TAS2R1: variants seen among roughly 807,000 people sequenced by gnomAD.
TAS2R1 encodes the protein taste receptor type 2 member 1.
For missense variants in TAS2R1, 370 were observed against 353.4 expected (o/e 1.05, Z -0.38); for synonymous variants, 141 against 134.2 (o/e 1.05, Z -0.35).
intron 1 of TAS2R1, among the ~76,000 whole-genome samples, chr5:9,684,553 C>T (rs150830128): frequency 6.6e-6 from 1 of 152,270 alleles, no homozygotes; most frequent in African/African-American, 2.4e-5. Flanking sequence ...TACTCTGTTG[C>T]TAAGGCCGAA....
chr5:9,859,750 A>G, the TAS2R1 span, among the ~76,000 whole-genome samples: 1 of 152,218 alleles, frequency 6.6e-6, no homozygotes, highest in Non-Finnish European at 1.5e-5. Context: ...GTCAACAAAC[A>G]TGCTTCAACA....
chr5:9,859,177 G>A, the TAS2R1 span, among the ~76,000 whole-genome samples: 2 of 152,062 alleles, frequency 1.3e-5, no homozygotes, highest in Non-Finnish European at 2.9e-5. Flanking sequence ...TCCATCTTAC[G>A]TCAACCACTC....
Position 9,629,029 on chromosome 5 carries a change from T to G in TAS2R1, c.*104A>C. 8.4e-7 allele frequency: 1 copy of G among 1,197,600 alleles called. No homozygotes were observed. The highest frequency in any genetic ancestry group is 1.1e-6 in the Non-Finnish European group (1 of 873,134). The allele number at this position is 1,197,600 out of a possible 1,614,324, so 74.2% of individuals were successfully genotyped here. A position where few individuals can be genotyped will look rare whatever the true frequency, so the allele number is the denominator to read the frequency against. ...TGGATAAACAGGCCTGAAGGGGACA[T>G]GTTGTATATTTATGAACAGGCTGCT... On this transcript the variant is annotated 3_prime_UTR_variant, in exon 1 of 1. Coordinates refer to ENST00000382492, the MANE Select transcript of TAS2R1 (RefSeq NM_019599.3).
the TAS2R1 span, among the ~76,000 whole-genome samples, chr5:9,786,350 AC>A: frequency 6.6e-6 from 1 of 152,184 alleles, no homozygotes; most frequent in Non-Finnish European, 1.5e-5. Flanking sequence ...AGCATATTTT[AC>A]CTCTAACTGT....
At chr5:9,745,127 G>A in the TAS2R1 span, among the ~76,000 whole-genome samples, 1 of 152,144 alleles carries the variant, frequency 6.6e-6, no homozygotes. Context: ...ATTAACCCCA[G>A]CAAGGGATGC....
rs1739803928 is a variant in TAS2R1 at position 9,628,706 on chromosome 5, T to C, written c.*427A>G. Among the ~76,000 whole-genome samples the C allele has an allele frequency of 6.6e-6, 1 of 152,214 alleles. No homozygotes were observed. The highest frequency in any genetic ancestry group is 2.4e-5 in the African/African-American group (1 of 41,456). ...ACCATCAAAGACAAGGCGTCAGATA[T>C]TCATGGACCATACAGCATTCATGTG... On this transcript the variant is annotated 3_prime_UTR_variant, in exon 1 of 1. Coordinates refer to ENST00000382492, the MANE Select transcript of TAS2R1 (RefSeq NM_019599.3).
At chr5:9,727,141 T>C in the TAS2R1 span, among the ~76,000 whole-genome samples, 2 of 152,202 alleles carry the variant, frequency 1.3e-5, no homozygotes, top group South Asian at 2.1e-4. Flanking sequence ...TGATCTCACC[T>C]GCATTTACAC....
At chr5:9,787,084 A>T in the TAS2R1 span, among the ~76,000 whole-genome samples, 2 of 152,190 alleles carry the variant, frequency 1.3e-5, no homozygotes, top group Non-Finnish European at 2.9e-5. Flanking sequence ...GACCTCAGTG[A>T]ACACCAAAGA....
rs1381797785 is a variant in TAS2R1, at chr5:9,628,298, G to T, written c.*835C>A. Among the ~76,000 whole-genome samples the T allele has an allele frequency of 2.6e-5, 4 of 152,120 alleles. No individual in the cohort carries two copies. Among genetic ancestry groups the T allele is most frequent in the African/African-American group, 9.7e-5 (4 of 41,412 alleles). On this transcript the variant is annotated 3_prime_UTR_variant, in exon 1 of 1. Transcript: ENST00000382492. ...ATTGGGAAGACAGGCAATGCAGGAG[G>T]AGTTCCAAATTACCACTCTGGGTTG...
chr5:9,644,261 TG>T (rs1318741073), intron 2 of TAS2R1, among the ~76,000 whole-genome samples: 1 of 152,028 alleles, frequency 6.6e-6, no homozygotes, highest in East Asian at 1.9e-4. Context: ...AAGGCAAGTG[TG>T]GAAGTAGAAA....
intron 1 of TAS2R1, among the ~76,000 whole-genome samples, chr5:9,690,717 A>C (rs574736350): frequency 6.6e-6 from 1 of 152,040 alleles, no homozygotes; most frequent in African/African-American, 2.4e-5. Flanking sequence ...GACATAAACA[A>C]GCAGAAGATG....
chr5:9,647,631 A>G (rs1244222798), intron 2 of TAS2R1, among the ~76,000 whole-genome samples: 1 of 152,222 alleles, frequency 6.6e-6, no homozygotes. Context: ...ATAGTAGTAT[A>G]TTAGAAAGGG....
chr5:9,646,068 A>C (rs1434271027), intron 2 of TAS2R1, among the ~76,000 whole-genome samples: 1 of 152,140 alleles, frequency 6.6e-6, no homozygotes, highest in Non-Finnish European at 1.5e-5. Flanking sequence ...TATCTGCCTA[A>C]AGCCAGTCAT....
the TAS2R1 span, among the ~76,000 whole-genome samples, chr5:9,789,316 A>G: frequency 6.6e-6 from 1 of 152,204 alleles, no homozygotes; most frequent in African/African-American, 2.4e-5. Flanking sequence ...ACCTGGCACA[A>G]TTTAATCTTT....
chr5:9,712,859 A>G (rs1734715665), upstream of TAS2R1, among the ~76,000 whole-genome samples: 1 of 151,996 alleles, frequency 6.6e-6, no homozygotes, highest in Non-Finnish European at 1.5e-5. Flanking sequence ...AAAGATACAG[A>G]ACAAGTGGGA....
rs138330930 is a variant in TAS2R1, at chr5:9,629,744, T to A, written c.289A>T (p.Thr97Ser). Residue 97 changes from threonine (T) to serine (S), a missense_variant, in exon 1 of 1, where the codon ACA (threonine) becomes TCA (serine). Transcript: ENST00000382492. ...GCACAATAGAAAACGCCGAGCCATGTGGCAAGCCAAAGTTCCAATTCATTT... is the reference window on the plus strand; with the variant it reads ...GCACAATAGAAAACGCCGAGCCATGAGGCAAGCCAAAGTTCCAATTCATTT... ...FINELELWLA[T>S]WLGVFYCAKV... 4.0e-5 allele frequency: 64 copies of A among 1,614,010 alleles called. No individual in the cohort carries two copies. In the Middle Eastern group the frequency reaches 6.6e-4, roughly 17 times the overall value.
At chr5:9,700,984 G>A (rs1210464994) in intron 1 of TAS2R1, among the ~76,000 whole-genome samples, 1 of 152,096 alleles carries the variant, frequency 6.6e-6, no homozygotes, top group African/African-American at 2.4e-5. Flanking sequence ...GAAGTGTGGG[G>A]ACACAATTTA....
chr5:9,799,668 T>C, the TAS2R1 span, among the ~76,000 whole-genome samples: 2 of 152,304 alleles, frequency 1.3e-5, no homozygotes, highest in Non-Finnish European at 2.9e-5. Flanking sequence ...TTCTCCCAAT[T>C]AAGCATTTAA....
chr5:9,682,769 T>A (rs1741018473), intron 1 of TAS2R1, among the ~76,000 whole-genome samples: 1 of 152,162 alleles, frequency 6.6e-6, no homozygotes, highest in Non-Finnish European at 1.5e-5. Context: ...ACATGTGGAT[T>A]CTGAGGGTTT....
Sources: gnomAD v4.1 joint callset for allele counts (sites outside exome capture counted in the v4.1 genomes callset) on GRCh38, gnomAD v4.1.1 for gene constraint, MANE v1.5 for transcripts, NCBI Gene and HGNC (gene_info 2026-07-23, HGNC 2026-07-21) for gene names.